CPNE4: variants seen among roughly 807,000 people sequenced by gnomAD.
The protein encoded by CPNE4 is copine-4.
In CPNE4, 25 loss-of-function variants were observed where a neutral mutation model predicts 67.9. The observed-to-expected ratio is 0.37, with a 90% CI of 0.27 to 0.51. The LOEUF (loss-of-function observed/expected upper bound fraction) is 0.51. CPNE4 is among the 20% of genes least tolerant of loss of function. The pLI is 0.93. For synonymous variants in CPNE4, 242 were observed against 244.9 expected (o/e 0.99, Z 0.11); for missense variants, 464 against 690.8 (o/e 0.67, Z 3.68).
chr3:131,957,525 G>T (rs2072014134), intron 1 of CPNE4, among the ~76,000 whole-genome samples: 1 of 152,160 alleles, frequency 6.6e-6, no homozygotes, highest in South Asian at 2.1e-4. Context: ...AAAAGATATA[G>T]AATTAAAATT....
At chr3:131,886,194 G>GT (rs1403079122) in intron 2 of CPNE4, among the ~76,000 whole-genome samples, 1 of 152,200 alleles carries the variant, frequency 6.6e-6, no homozygotes, top group Non-Finnish European at 1.5e-5. Context: ...CGTGCCCTGT[G>GT]TCCCAGCTGC....
At position 131,897,044 on chromosome 3, in the gene CPNE4, A is replaced by C. The variant is rs564943865; in HGVS notation, c.180+8220T>G. Among the ~76,000 whole-genome samples the C allele has an allele frequency of 8.5e-5, 13 of 152,246 alleles. No homozygotes were observed. The South Asian group carries it at 1.7e-3, about 19-fold the overall frequency. The stretch of plus-strand genomic sequence containing the variant: ...TCAATACCACGTACTCCAGATTAAC[A>C]TGAAACACATGGTTTTAGATGAGGA... On this transcript the variant is annotated intron_variant, in intron 2 of 15. Coordinates refer to ENST00000429747, the MANE Select transcript of CPNE4 (RefSeq NM_130808.3).
Position 131,699,984 on chromosome 3 carries a change from CA to C in CPNE4, c.361-5del. ...ACAGCTTTCTCTGGGAAACAATCTG[CA>C]AAAAAGGAAACAAAAGGTAACAAAA... On this transcript the variant is annotated splice_region_variant and splice_polypyrimidine_tract_variant and intron_variant, in intron 3 of 15. Transcript: ENST00000429747. 6.4e-7 allele frequency: 1 copy of C among 1,567,218 alleles called. No homozygotes were observed. Among genetic ancestry groups the C allele is most frequent in the South Asian group, 1.1e-5 (1 of 88,152 alleles).
chr3:131,860,452 T>C (rs923220457), intron 2 of CPNE4, among the ~76,000 whole-genome samples: 2 of 152,178 alleles, frequency 1.3e-5, no homozygotes, highest in Non-Finnish European at 2.9e-5. Context: ...TGGGAAATAG[T>C]TGAGACAATG....
chr3:131,556,685 A>G (rs958378301), intron 11 of CPNE4, among the ~76,000 whole-genome samples: 3 of 152,054 alleles, frequency 2.0e-5, no homozygotes, highest in Admixed American at 2.0e-4. Flanking sequence ...GTGGCTATGA[A>G]AAGAAGGGAG....
At chr3:131,945,298 C>T (rs995920143) in intron 1 of CPNE4, among the ~76,000 whole-genome samples, 3 of 152,178 alleles carry the variant, frequency 2.0e-5, no homozygotes, top group African/African-American at 4.8e-5. Context: ...TCCAGTGTCA[C>T]ACTCTAATGA....
chr3:131,636,116 C>T (rs1161473374), intron 7 of CPNE4, among the ~76,000 whole-genome samples: 1 of 151,066 alleles, frequency 6.6e-6, no homozygotes, highest in Non-Finnish European at 1.5e-5. Flanking sequence ...AGGAACATAC[C>T]AGTAAAGCCA....
At chr3:131,581,757 G>A in intron 8 of CPNE4, 92 bp from the exon 9 acceptor site, 1 of 842,874 alleles carries the variant, frequency 1.2e-6, no homozygotes, top group Non-Finnish European at 2.0e-6. Context: ...AGGACAAACT[G>A]AACTGGAGGG....
At chr3:131,538,719 G>A (rs1935313280) in intron 15 of CPNE4, 1 of 152,238 alleles carries the variant, frequency 6.6e-6, no homozygotes, top group African/African-American at 2.4e-5. Context: ...GGGTTGGGAA[G>A]TGGGGCCTCA....
chr3:131,920,949 A>C (rs1018142398), intron 1 of CPNE4, among the ~76,000 whole-genome samples: 3 of 152,204 alleles, frequency 2.0e-5, no homozygotes, highest in African/African-American at 7.2e-5. Flanking sequence ...GAAGCTAAAG[A>C]AGATGTCTGA....
chr3:131,799,924 T>TGTGTG, intron 2 of CPNE4, among the ~76,000 whole-genome samples: 1 of 7,264 alleles, frequency 1.4e-4, no homozygotes, highest in African/African-American at 4.2e-4. Context: ...GTGTGTTGTG[T>TGTGTG]GTGTGTGTGT....
intron 1 of CPNE4, among the ~76,000 whole-genome samples, chr3:131,959,434 T>C (rs2072100465): frequency 6.6e-6 from 1 of 152,092 alleles, no homozygotes; most frequent in African/African-American, 2.4e-5. Context: ...TAGAGTACAG[T>C]TCAAACACTG....
At chr3:132,015,791 A>G (rs1355256606) in intron 1 of CPNE4, among the ~76,000 whole-genome samples, 1 of 152,248 alleles carries the variant, frequency 6.6e-6, no homozygotes, top group African/African-American at 2.4e-5. Context: ...CCAGCCTCAG[A>G]GGGAATAAAC....
intron 2 of CPNE4, among the ~76,000 whole-genome samples, chr3:131,774,740 T>G (rs1472222231): frequency 6.6e-6 from 1 of 152,140 alleles, no homozygotes; most frequent in Non-Finnish European, 1.5e-5. Flanking sequence ...TGCCTTTCAC[T>G]TCCCTGCCTC....
At chr3:131,899,840 C>T (rs747473803) in intron 2 of CPNE4, among the ~76,000 whole-genome samples, 10 of 152,016 alleles carry the variant, frequency 6.6e-5, no homozygotes, top group Non-Finnish European at 1.0e-4. Flanking sequence ...GAGTTTTATC[C>T]TCATGGTTTA....
chr3:131,657,811 G>C (rs148288054), intron 7 of CPNE4, among the ~76,000 whole-genome samples: 2,726 of 151,610 alleles, frequency 0.018, 94 homozygotes, highest in African/African-American at 0.062. Context: ...TGATCTGCCC[G>C]CCTCAGCCTT....
intron 2 of CPNE4, among the ~76,000 whole-genome samples, chr3:131,792,669 A>ATG (rs1443039324): frequency 1.1e-3 from 75 of 68,010 alleles, no homozygotes; most frequent in African/African-American, 3.4e-3. Context: ...ACGTGTATAT[A>ATG]TACATATATA....
intron 2 of CPNE4, among the ~76,000 whole-genome samples, chr3:131,885,777 G>A (rs2087860186): frequency 6.6e-6 from 1 of 152,038 alleles, no homozygotes; most frequent in African/African-American, 2.4e-5. Context: ...ACCTATGAGT[G>A]AGAATATGCG....
At chr3:131,711,465 G>A (rs867954028) in intron 3 of CPNE4, among the ~76,000 whole-genome samples, 6 of 152,140 alleles carry the variant, frequency 3.9e-5, no homozygotes, top group Middle Eastern at 3.2e-3. Context: ...GCTTGAAAAC[G>A]TGTGCTGGCC....
Sources: gnomAD v4.1 joint callset for allele counts (sites outside exome capture counted in the v4.1 genomes callset) on GRCh38, gnomAD v4.1.1 for gene constraint, MANE v1.5 for transcripts, NCBI Gene and HGNC (gene_info 2026-07-23, HGNC 2026-07-21) for gene names.